The following MPP7 variants were observed in gnomAD, a reference collection of about 807,000 sequenced individuals.
MPP7 encodes MAGUK p55 scaffold protein 7.
In MPP7, 60 loss-of-function variants were observed where a neutral mutation model predicts 76.5. The ratio of observed to expected loss-of-function variants is 0.78; its 90% CI spans 0.64 to 0.97. MPP7 has a LOEUF of 0.97. Among genes scored for constraint, MPP7 ranks in the 50% least tolerant of loss-of-function variants. MPP7 has a pLI of 0.00. For synonymous variants in MPP7, 237 were observed against 244.5 expected, an observed-to-expected ratio of 0.97 and a Z score of 0.29; for missense variants, 641 against 694.0, an observed-to-expected ratio of 0.92 and a Z score of 0.86.
At chr10:28,124,269 T>C (rs939093332) in intron 7 of MPP7, among the ~76,000 whole-genome samples, 153 bp from the exon 8 acceptor site, 41 of 152,186 alleles carry the variant, frequency 2.7e-4, no homozygotes, top group Non-Finnish European at 6.0e-4. Context: ...TCAGCCTCTA[T>C]GCCTCTCCAT....
At chr10:28,108,398 T>G (rs1279635726) in intron 11 of MPP7, among the ~76,000 whole-genome samples, 1 of 152,162 alleles carries the variant, frequency 6.6e-6, no homozygotes, top group Non-Finnish European at 1.5e-5. Context: ...CTCATGCCTA[T>G]AATCTCAGCA....
intron 1 of MPP7, among the ~76,000 whole-genome samples, chr10:28,267,251 A>G (rs941900548): frequency 6.6e-6 from 1 of 152,256 alleles, no homozygotes; most frequent in African/African-American, 2.4e-5. Flanking sequence ...CTTTACAAAA[A>G]AAATATTTGC....
At chr10:28,128,479 A>T (rs1835089394) in intron 6 of MPP7, among the ~76,000 whole-genome samples, 1 of 152,196 alleles carries the variant, frequency 6.6e-6, no homozygotes, top group Non-Finnish European at 1.5e-5. Flanking sequence ...TTCAAGGGAA[A>T]GATGATGGTG....
intron 1 of MPP7, among the ~76,000 whole-genome samples, chr10:28,262,192 T>TATATATATAC (rs1839977031): frequency 1.0e-4 from 2 of 19,114 alleles, no homozygotes; most frequent in Non-Finnish European, 2.4e-4. Flanking sequence ...AAATTATATA[T>TATATATATAC]ATATATATAT....
intron 3 of MPP7, among the ~76,000 whole-genome samples, chr10:28,172,838 G>C (rs1217304689): frequency 6.6e-6 from 1 of 152,046 alleles, no homozygotes; most frequent in Non-Finnish European, 1.5e-5. Context: ...ATTATTTATT[G>C]AAATGGTTAT....
At chr10:28,199,780 A>AT (rs959514297) in intron 3 of MPP7, among the ~76,000 whole-genome samples, 23 of 150,354 alleles carry the variant, frequency 1.5e-4, no homozygotes, top group Middle Eastern at 3.4e-3. Context: ...CTAATTTTTA[A>AT]TTTTTTTTTG....
At chr10:28,066,613 C>T (rs1293759259) in intron 13 of MPP7, among the ~76,000 whole-genome samples, 1 of 152,166 alleles carries the variant, frequency 6.6e-6, no homozygotes, top group African/African-American at 2.4e-5. Flanking sequence ...AAGTGTTTAA[C>T]ACCCCCATGT....
At chr10:28,147,985 C>T (rs1409614882) in intron 4 of MPP7, among the ~76,000 whole-genome samples, 1 of 152,150 alleles carries the variant, frequency 6.6e-6, no homozygotes, top group African/African-American at 2.4e-5. Flanking sequence ...TTCCAAAAAC[C>T]CATGGGGATT....
At chr10:28,162,871 CTT>C (rs1226205400) in intron 3 of MPP7, among the ~76,000 whole-genome samples, 7 of 151,886 alleles carry the variant, frequency 4.6e-5, no homozygotes, top group Non-Finnish European at 1.0e-4. Flanking sequence ...CTCTCTCTCT[CTT>C]TCTCTCTCTC....
chr10:28,175,991 G>A (rs1040602534), intron 3 of MPP7, among the ~76,000 whole-genome samples: 1 of 152,178 alleles, frequency 6.6e-6, no homozygotes, highest in Admixed American at 6.5e-5. Context: ...AAATTAGGAA[G>A]AGAAGGGAAA....
At chr10:28,242,142 T>C (rs903443579) in intron 1 of MPP7, among the ~76,000 whole-genome samples, 1 of 152,220 alleles carries the variant, frequency 6.6e-6, no homozygotes, top group African/African-American at 2.4e-5. Context: ...ATACATTTCC[T>C]CTAAATTTGG....
At chr10:28,241,395 A>G (rs1588970494) in intron 1 of MPP7, among the ~76,000 whole-genome samples, 1 of 152,296 alleles carries the variant, frequency 6.6e-6, no homozygotes, top group East Asian at 1.9e-4. Context: ...ACCTTCTCAG[A>G]CCATATACAA....
At chr10:28,167,495 C>T (rs1836522537) in intron 3 of MPP7, among the ~76,000 whole-genome samples, 1 of 152,066 alleles carries the variant, frequency 6.6e-6, no homozygotes, top group South Asian at 2.1e-4. Flanking sequence ...AAGGGAACAG[C>T]GTTTGAGAAG....
chr10:28,085,128 A>G (rs1256250839), intron 12 of MPP7, among the ~76,000 whole-genome samples: 1 of 152,204 alleles, frequency 6.6e-6, no homozygotes, highest in Admixed American at 6.5e-5. Context: ...CACAGTGTCA[A>G]GTACTGCCCT....
chr10:28,120,508 T>C (rs1269542881), intron 9 of MPP7, 86 bp downstream of exon 9: 2 of 1,500,080 alleles, frequency 1.3e-6, no homozygotes, highest in South Asian at 1.2e-5. Context: ...TTGAAAGAAA[T>C]GTGTTGTGAC....
chr10:28,235,125 T>C (rs7072854), intron 2 of MPP7, among the ~76,000 whole-genome samples: 26,284 of 152,088 alleles, frequency 0.17, 2,565 homozygotes, highest in African/African-American at 0.26. Context: ...GTCTTAGAAA[T>C]CATTATGGCC....
chr10:28,289,270 C>T (rs1317020973), intron 1 of MPP7: 4 of 150,586 alleles, frequency 2.7e-5, no homozygotes, highest in Non-Finnish European at 5.9e-5. Context: ...CACTGTACTC[C>T]AGCCTGGGCA....
At chr10:28,146,507 TTCTCCTGCC>T (rs1835712287) in intron 5 of MPP7, among the ~76,000 whole-genome samples, 1 of 151,802 alleles carries the variant, frequency 6.6e-6, no homozygotes, top group African/African-American at 2.4e-5. Flanking sequence ...GTTCATGCCA[TTCTCCTGCC>T]TCAGCCTCCC....
At chr10:28,138,941 TAAG>T (rs1483721881) in intron 5 of MPP7, among the ~76,000 whole-genome samples, 2 of 152,198 alleles carry the variant, frequency 1.3e-5, no homozygotes, top group African/African-American at 4.8e-5. Context: ...GAAACAAAGA[TAAG>T]AAGACCATCC....
Sources: allele counts gnomAD v4.1 joint callset (sites outside exome capture counted in the v4.1 genomes callset), GRCh38; gene constraint gnomAD v4.1.1; transcripts MANE v1.5; gene names NCBI Gene and HGNC (gene_info 2026-07-23, HGNC 2026-07-21).